The following FER variants were observed in gnomAD, a reference collection of about 807,000 sequenced individuals.
FER encodes the protein tyrosine-protein kinase Fer.
A neutral mutation model predicts 111.0 loss-of-function variants in FER; 63 were observed. That is an observed-to-expected ratio of 0.57 (90% CI 0.46 to 0.70). FER has a LOEUF of 0.70. FER is among the 30% of genes least tolerant of loss of function. FER has a pLI of 0.00. For missense variants in FER, 914 were observed against 954.0 expected, an observed-to-expected ratio of 0.96 and a Z score of 0.55; for synonymous variants, 327 against 313.9, an observed-to-expected ratio of 1.04 and a Z score of -0.44.
intron 17 of FER, chr5:109,177,653 A>T (rs1757849291): frequency 6.6e-6 from 1 of 152,170 alleles, no homozygotes; most frequent in African/African-American, 2.4e-5. Flanking sequence ...GTTCTTATTT[A>T]ATCCTTAATT....
intron 17 of FER, among the ~76,000 whole-genome samples, chr5:109,128,655 T>C (rs1228307156): frequency 6.6e-6 from 1 of 152,100 alleles, no homozygotes; most frequent in African/African-American, 2.4e-5. Flanking sequence ...TATTCAGCAA[T>C]ACCCATAGGT....
chr5:108,805,229 C>T (rs1316859200), intron 3 of FER, among the ~76,000 whole-genome samples: 1 of 152,132 alleles, frequency 6.6e-6, no homozygotes, highest in Non-Finnish European at 1.5e-5. Flanking sequence ...CTTTCCTGCA[C>T]AAGCTCTCTT....
chr5:108,884,121 T>C (rs1009173124), intron 9 of FER, among the ~76,000 whole-genome samples: 1 of 152,046 alleles, frequency 6.6e-6, no homozygotes, highest in African/African-American at 2.4e-5. Flanking sequence ...AATCTGCTTT[T>C]ATTAATTGCA....
chr5:108,760,973 C>T (rs1751674105), intron 1 of FER, among the ~76,000 whole-genome samples: 1 of 151,832 alleles, frequency 6.6e-6, no homozygotes, highest in Admixed American at 6.6e-5. Flanking sequence ...CTCTGTTGCC[C>T]AGGCTGGAGT....
chr5:108,764,085 T>G (rs1752047253), intron 1 of FER, among the ~76,000 whole-genome samples: 1 of 152,160 alleles, frequency 6.6e-6, no homozygotes, highest in Non-Finnish European at 1.5e-5. Context: ...CAGGTTATGT[T>G]CCTACCCCAG....
intron 16 of FER, among the ~76,000 whole-genome samples, chr5:109,052,903 A>G (rs188604803): frequency 1.3e-3 from 198 of 152,336 alleles, no homozygotes; most frequent in African/African-American, 4.6e-3. Context: ...TGAACTTTTC[A>G]TATTCAGTTA....
intron 17 of FER, among the ~76,000 whole-genome samples, chr5:109,128,228 AG>A (rs1751966361): frequency 6.6e-6 from 1 of 151,654 alleles, no homozygotes. Context: ...GAGATATACA[AG>A]TTTTTTTTTT....
At chr5:109,176,368 A>C (rs1757687665) in intron 17 of FER, among the ~76,000 whole-genome samples, 1 of 152,152 alleles carries the variant, frequency 6.6e-6, no homozygotes, top group Non-Finnish European at 1.5e-5. Flanking sequence ...TGTTAAGCAA[A>C]ATAAGTAAGG....
At chr5:109,046,621 T>G (rs1457107903) in intron 15 of FER, among the ~76,000 whole-genome samples, 1 of 152,152 alleles carries the variant, frequency 6.6e-6, no homozygotes. Flanking sequence ...CTCCATGGGT[T>G]CTGTATCTGT....
chr5:109,100,116 A>T (rs1347936570), intron 16 of FER, among the ~76,000 whole-genome samples: 1 of 151,812 alleles, frequency 6.6e-6, no homozygotes, highest in Non-Finnish European at 1.5e-5. Context: ...GATAAAGGAA[A>T]AAGTATGATT....
At chr5:109,051,895 C>G in intron 16 of FER, 4 of 1,569,928 alleles carry the variant, frequency 2.5e-6, no homozygotes, top group Non-Finnish European at 3.5e-6. Context: ...GCAGGGATCT[C>G]TTTTGCAAGT....
intron 3 of FER, among the ~76,000 whole-genome samples, chr5:108,803,602 G>A (rs1383344654): frequency 6.6e-6 from 1 of 151,260 alleles, no homozygotes; most frequent in Non-Finnish European, 1.5e-5. Flanking sequence ...TTCTTTCCCT[G>A]TTGCTTATTT....
intron 17 of FER, among the ~76,000 whole-genome samples, chr5:109,119,540 C>T (rs1223075134): frequency 6.6e-6 from 1 of 152,048 alleles, no homozygotes; most frequent in African/African-American, 2.4e-5. Context: ...TGGTGCAGAG[C>T]TGAGTTCAAT....
intron 2 of FER, among the ~76,000 whole-genome samples, chr5:108,795,204 A>G (rs1049353541): frequency 6.6e-6 from 1 of 152,188 alleles, no homozygotes; most frequent in Non-Finnish European, 1.5e-5. Flanking sequence ...ACATACTTGT[A>G]GTCCCAGCTA....
Position 109,096,354 on chromosome 5 carries a change from A to G in FER, c.1925-4042A>G, listed in dbSNP as rs142578278. Reference sequence around the variant, plus strand: ...TATCTTATCCGTTAGATATCTTCAAATTGCTAATACAGAAGATGTATAAAA... The same window carrying G: ...TATCTTATCCGTTAGATATCTTCAAGTTGCTAATACAGAAGATGTATAAAA... On this transcript the variant is annotated intron_variant, in intron 16 of 19. Transcript: ENST00000281092. Among the ~76,000 whole-genome samples, 874 of 152,096 alleles carry G rather than the reference A, an allele frequency of 5.7e-3. 14 individuals carry two copies. Among genetic ancestry groups the G allele is most frequent in the African/African-American group, 0.02 (838 of 41,516 alleles).
chr5:108,845,061 T>TAC (rs1239529370), intron 5 of FER, among the ~76,000 whole-genome samples: 66 of 59,948 alleles, frequency 1.1e-3, no homozygotes, highest in Non-Finnish European at 1.7e-3. Flanking sequence ...TATATATATA[T>TAC]ATATATACAC....
intron 1 of FER, among the ~76,000 whole-genome samples, chr5:108,752,909 G>T (rs114276899): frequency 3.3e-3 from 502 of 152,046 alleles, no homozygotes; most frequent in Admixed American, 4.3e-3. Context: ...TTTTATGTAG[G>T]TTTTCCTTGC....
At position 108,854,627 on chromosome 5, in the gene FER, A is replaced by T. The variant is rs557710758; in HGVS notation, c.482-13140A>T. On this transcript the variant is annotated intron_variant, in intron 5 of 19. Coordinates refer to ENST00000281092, the MANE Select transcript of FER (RefSeq NM_005246.4). ...GAATGCAGCTTTCACAAATAATGAA[A>T]ATCTACCATATATTGAAAGTAGAGC... Among the ~76,000 whole-genome samples, 21 of 152,238 alleles carry T rather than the reference A, an allele frequency of 1.4e-4. No individual in the cohort carries two copies. The South Asian group carries it at 4.2e-3, about 30-fold the overall frequency.
intron 2 of FER, among the ~76,000 whole-genome samples, chr5:108,776,958 C>A (rs1753561958): frequency 1.3e-5 from 2 of 152,154 alleles, no homozygotes; most frequent in South Asian, 4.1e-4. Context: ...TCTGTTTCTG[C>A]CTGATTTATA....
Sources: gnomAD v4.1 joint callset for allele counts (sites outside exome capture counted in the v4.1 genomes callset) on GRCh38, gnomAD v4.1.1 for gene constraint, MANE v1.5 for transcripts, NCBI Gene and HGNC (gene_info 2026-07-23, HGNC 2026-07-21) for gene names.